The following SBSPON variants were observed in gnomAD, a reference collection of about 807,000 sequenced individuals.
The protein encoded by SBSPON is somatomedin B and thrombospondin type 1 domain containing.
In SBSPON, 30 loss-of-function variants were observed where a neutral mutation model predicts 35.8. The ratio of observed to expected loss-of-function variants is 0.84; its 90% CI spans 0.63 to 1.14. SBSPON has a LOEUF of 1.14. Among genes scored for constraint, SBSPON ranks in the 50% most tolerant of loss-of-function variants. SBSPON has a pLI of 0.00. For synonymous variants in SBSPON, 136 were observed against 135.9 expected, an observed-to-expected ratio of 1.00 and a Z score of 0.00; for missense variants, 364 against 357.7, an observed-to-expected ratio of 1.02 and a Z score of -0.14.
chr8:73,082,443 G>A (rs942016787), intron 1 of SBSPON, among the ~76,000 whole-genome samples: 3 of 152,082 alleles, frequency 2.0e-5, no homozygotes, highest in Admixed American at 6.5e-5. Context: ...CTGCATTCAC[G>A]GTTTTTGGAG....
chr8:73,087,680 T>A (rs1810859128), intron 1 of SBSPON, among the ~76,000 whole-genome samples: 1 of 152,212 alleles, frequency 6.6e-6, no homozygotes, highest in Admixed American at 6.5e-5. Context: ...CCAGATATGA[T>A]GTCATCAGAC....
At chr8:73,087,612 C>A (rs1388361260) in intron 1 of SBSPON, among the ~76,000 whole-genome samples, 4 of 152,166 alleles carry the variant, frequency 2.6e-5, no homozygotes, top group African/African-American at 7.2e-5. Context: ...TAGACTCTGG[C>A]ATCTTTCCTT....
At chr8:73,082,558 T>C (rs893513556) in intron 1 of SBSPON, among the ~76,000 whole-genome samples, 2 of 152,232 alleles carry the variant, frequency 1.3e-5, no homozygotes, top group East Asian at 1.9e-4. Context: ...TAAAACATGC[T>C]TTCATTCATC....
At chr8:73,089,559 C>A (rs1012878098) in intron 1 of SBSPON, among the ~76,000 whole-genome samples, 1,621 of 110,884 alleles carry the variant, frequency 0.015, no homozygotes, top group Middle Eastern at 0.025. Context: ...GACTCCGTCT[C>A]AAAAAAAAAA....
rs753829849 is a variant in SBSPON at position 73,092,982 on chromosome 8, CA to C, written c.85del (p.Cys29ValfsTer113). ...GAAGCAGGCGGGGTCCCGGCCGGGA[CA>C]GCAGCGCCCGGCCTCGGCGCAGCCG... ...QAGCAEAGRC[C>X]PGRDPACFAR... On this transcript the variant is annotated frameshift_variant, in exon 1 of 5. Coordinates refer to ENST00000297354, the MANE Select transcript of SBSPON (RefSeq NM_153225.4). LOFTEE classifies it high-confidence loss of function. 1 of 1,560,568 alleles carries C rather than the reference CA, an allele frequency of 6.4e-7. No homozygotes were observed. The highest frequency in any genetic ancestry group is 8.6e-7 in the Non-Finnish European group (1 of 1,157,064).
intron 2 of SBSPON, among the ~76,000 whole-genome samples, chr8:73,072,161 T>A (rs773146788): frequency 1.1e-4 from 16 of 150,262 alleles, no homozygotes; most frequent in Admixed American, 5.3e-4. Context: ...GAAAGGAAGA[T>A]GGGGGTCAGA....
chr8:73,092,567 C>T (rs1810956039), intron 1 of SBSPON, among the ~76,000 whole-genome samples: 2 of 152,164 alleles, frequency 1.3e-5, no homozygotes, highest in Non-Finnish European at 2.9e-5. Context: ...GAGATTTCGT[C>T]TCTCGGCTCC....
At chr8:73,074,652 T>A (rs1329498908) in intron 2 of SBSPON, 2 of 821,326 alleles carry the variant, frequency 2.4e-6, no homozygotes, top group Non-Finnish European at 2.9e-6. Flanking sequence ...TTATTTAAAT[T>A]TGGCTTTATT....
chr8:73,074,739 T>G (rs996890984), intron 2 of SBSPON, among the ~76,000 whole-genome samples: 1 of 152,204 alleles, frequency 6.6e-6, no homozygotes, highest in African/African-American at 2.4e-5. Flanking sequence ...TTTAGCCCCT[T>G]GTATCTGGAG....
chr8:73,073,266 AGCAGTCCTCTACCTCT>A (rs368989399), intron 2 of SBSPON, among the ~76,000 whole-genome samples: 2 of 152,266 alleles, frequency 1.3e-5, no homozygotes, highest in African/African-American at 4.8e-5. Flanking sequence ...AAGATGGCTC[AGCAGTCCTCTACCTCT>A]GTTTCAGAAA....
chr8:73,080,148 A>G (rs1810667066), intron 2 of SBSPON, among the ~76,000 whole-genome samples: 1 of 152,126 alleles, frequency 6.6e-6, no homozygotes, highest in Non-Finnish European at 1.5e-5. Context: ...CCAAAACCAG[A>G]GTGATCTTTT....
At chr8:73,067,785 T>C (rs913242355) in intron 4 of SBSPON, among the ~76,000 whole-genome samples, 1 of 147,238 alleles carries the variant, frequency 6.8e-6, no homozygotes, top group Non-Finnish European at 1.5e-5. Flanking sequence ...CAAGGGATCC[T>C]CCTGCCTCGG....
At chr8:73,085,047 T>C (rs1810797881) in intron 1 of SBSPON, among the ~76,000 whole-genome samples, 1 of 152,126 alleles carries the variant, frequency 6.6e-6, no homozygotes, top group African/African-American at 2.4e-5. Context: ...GATCTGCTCA[T>C]ATCATTAGTT....
chr8:73,078,297 G>A (rs943472529), intron 2 of SBSPON, among the ~76,000 whole-genome samples: 1 of 152,168 alleles, frequency 6.6e-6, no homozygotes, highest in Non-Finnish European at 1.5e-5. Flanking sequence ...TGTGACAGGA[G>A]TAATCATCAC....
chr8:73,067,264 G>C lies in SBSPON; in HGVS notation c.*77C>G, dbSNP rs965787532. ...TTTGGGGACTTTGGCCAAAATTGAA[G>C]GTTTAGGAAACATTGAACATGACTT... On this transcript the variant is annotated 3_prime_UTR_variant, in exon 5 of 5. Transcript: ENST00000297354. The C allele has an allele frequency of 1.1e-6, 1 of 926,052 alleles. No homozygotes were observed. The highest frequency in any genetic ancestry group is 1.6e-5 in the African/African-American group (1 of 60,652). The allele number at this position is 926,052 out of a possible 1,614,324, so 57.4% of individuals were successfully genotyped here. A position where few individuals can be genotyped will look rare whatever the true frequency, so the allele number is the denominator to read the frequency against.
chr8:73,071,924 GT>G (rs1399045443), intron 2 of SBSPON, 54 bp from the exon 3 acceptor site: 3 of 1,207,070 alleles, frequency 2.5e-6, no homozygotes, highest in Non-Finnish European at 3.7e-6. Flanking sequence ...TCAGACCATC[GT>G]TTCCCAATTT....
chr8:73,089,239 C>T (rs1447402965), intron 1 of SBSPON, among the ~76,000 whole-genome samples: 1 of 152,102 alleles, frequency 6.6e-6, no homozygotes, highest in Non-Finnish European at 1.5e-5. Flanking sequence ...GGTTTGTGGA[C>T]CTGACCTGCC....
At chr8:73,071,506 A>G (rs1446335409) in intron 3 of SBSPON, among the ~76,000 whole-genome samples, 2 of 152,230 alleles carry the variant, frequency 1.3e-5, no homozygotes, top group Non-Finnish European at 2.9e-5. Flanking sequence ...CATCCTTAGT[A>G]TGATTGATAA....
intron 1 of SBSPON, among the ~76,000 whole-genome samples, chr8:73,091,536 T>C (rs2130048591): frequency 6.6e-6 from 1 of 152,264 alleles, no homozygotes; most frequent in Non-Finnish European, 1.5e-5. Context: ...GAGGCTTTGC[T>C]TGAGTTATGC....
Sources: allele counts gnomAD v4.1 joint callset (sites outside exome capture counted in the v4.1 genomes callset), GRCh38; gene constraint gnomAD v4.1.1; transcripts MANE v1.5; gene names NCBI Gene and HGNC (gene_info 2026-07-23, HGNC 2026-07-21).